Variants in ZNF804B observed in about 807,000 individuals in gnomAD.
ZNF804B encodes the protein zinc finger 804B.
In ZNF804B, 80 loss-of-function variants were observed where a neutral mutation model predicts 101.4. The ratio of observed to expected loss-of-function variants is 0.79; its 90% CI spans 0.66 to 0.95. The LOEUF is 0.95. Ranked by LOEUF, ZNF804B falls within the 40% of genes least tolerant of loss-of-function variation. The pLI is 0.00. For synonymous variants in ZNF804B, 622 were observed against 558.8 expected, an observed-to-expected ratio of 1.11 and a Z score of -1.59; for missense variants, 1,673 against 1,561.9, an observed-to-expected ratio of 1.07 and a Z score of -1.20.
intron 1 of ZNF804B, among the ~76,000 whole-genome samples, chr7:89,039,073 T>C (rs891112652): frequency 3.3e-5 from 5 of 152,066 alleles, no homozygotes; most frequent in African/African-American, 1.2e-4. Context: ...TTACGGTACC[T>C]TTGTAGTGTA....
At chr7:88,880,543 TAA>T (rs1381243230) in intron 1 of ZNF804B, among the ~76,000 whole-genome samples, 1 of 152,200 alleles carries the variant, frequency 6.6e-6, no homozygotes, top group Non-Finnish European at 1.5e-5. Flanking sequence ...TTACATATTT[TAA>T]AGTCTTTATA....
chr7:88,833,382 C>T (rs1055776259), intron 1 of ZNF804B, among the ~76,000 whole-genome samples: 1 of 151,878 alleles, frequency 6.6e-6, no homozygotes, highest in Non-Finnish European at 1.5e-5. Context: ...ATGAAAACTG[C>T]TGTCTTGTAA....
At chr7:88,941,645 TAA>T (rs898618668) in intron 1 of ZNF804B, among the ~76,000 whole-genome samples, 40 of 152,126 alleles carry the variant, frequency 2.6e-4, no homozygotes, top group African/African-American at 9.6e-4. Context: ...AGATGATTTT[TAA>T]GACAGTGGAT....
At chr7:89,092,408 GTTTTTTTT>G (rs71120056) in intron 1 of ZNF804B, among the ~76,000 whole-genome samples, 1 of 93,840 alleles carries the variant, frequency 1.1e-5, no homozygotes, top group African/African-American at 4.1e-5. Flanking sequence ...TTTCTTTTCT[GTTTTTTTT>G]TTTTTTTTTT....
chr7:88,865,715 G>A (rs1359445641), intron 1 of ZNF804B, among the ~76,000 whole-genome samples: 5 of 152,022 alleles, frequency 3.3e-5, no homozygotes, highest in African/African-American at 1.2e-4. Flanking sequence ...CCCCCTTTAG[G>A]GTTTTACATC....
intron 1 of ZNF804B, among the ~76,000 whole-genome samples, chr7:89,031,374 T>G (rs989184068): frequency 1.3e-5 from 2 of 151,946 alleles, no homozygotes; most frequent in Non-Finnish European, 2.9e-5. Context: ...TCACACACTC[T>G]TATAATCATT....
At chr7:88,865,630 T>A (rs537021039) in intron 1 of ZNF804B, among the ~76,000 whole-genome samples, 2 of 152,254 alleles carry the variant, frequency 1.3e-5, no homozygotes, top group South Asian at 4.1e-4. Context: ...TTCCTCTTAG[T>A]TCCCTCTCTC....
At chr7:89,297,729 G>C (rs564971529) in intron 2 of ZNF804B, among the ~76,000 whole-genome samples, 2 of 152,048 alleles carry the variant, frequency 1.3e-5, no homozygotes, top group Admixed American at 1.3e-4. Flanking sequence ...TCTCTATGAA[G>C]ATATGGATGT....
intron 1 of ZNF804B, among the ~76,000 whole-genome samples, chr7:88,989,036 T>C (rs1793805947): frequency 1.3e-5 from 2 of 152,036 alleles, no homozygotes; most frequent in Admixed American, 1.3e-4. Context: ...ATTATTATTA[T>C]TATTTGAGAC....
At chr7:88,912,487 C>T (rs145914452) in intron 1 of ZNF804B, among the ~76,000 whole-genome samples, 514 of 152,084 alleles carry the variant, frequency 3.4e-3, no homozygotes, top group Middle Eastern at 0.01. Context: ...TCATTGCTGA[C>T]GCTAAGTTCA....
intron 1 of ZNF804B, among the ~76,000 whole-genome samples, chr7:88,845,311 A>ACACACACC (rs1791357399): frequency 6.6e-6 from 1 of 152,070 alleles, no homozygotes. Context: ...GCACACACAC[A>ACACACACC]CACACACACA....
chr7:88,871,973 A>G (rs776207522), intron 1 of ZNF804B, among the ~76,000 whole-genome samples: 1 of 151,802 alleles, frequency 6.6e-6, no homozygotes, highest in Non-Finnish European at 1.5e-5. Flanking sequence ...TGTCTCAAAA[A>G]AAAAGTGAAA....
chr7:89,236,944 A>C (rs1008648949), intron 2 of ZNF804B, among the ~76,000 whole-genome samples: 2 of 152,126 alleles, frequency 1.3e-5, no homozygotes, highest in Non-Finnish European at 2.9e-5. Context: ...TACATTGCTA[A>C]TGACATGAAG....
At chr7:89,319,561 C>T (rs925397432) in intron 2 of ZNF804B, among the ~76,000 whole-genome samples, 1 of 152,158 alleles carries the variant, frequency 6.6e-6, no homozygotes, top group African/African-American at 2.4e-5. Flanking sequence ...GTCACAGGTG[C>T]ACAGAGCCTG....
chr7:89,180,925 A>G (rs1196357104), intron 1 of ZNF804B, among the ~76,000 whole-genome samples: 1 of 150,194 alleles, frequency 6.7e-6, no homozygotes, highest in Admixed American at 6.7e-5. Flanking sequence ...ACTGGAACTC[A>G]GGTTCTGACA....
At chr7:89,146,479 T>C (rs11977174) in intron 1 of ZNF804B, among the ~76,000 whole-genome samples, 20,229 of 151,994 alleles carry the variant, frequency 0.13, 1,732 homozygotes, top group African/African-American at 0.25. Flanking sequence ...TTAGAGGTCT[T>C]GTAGACTTAT....
chr7:89,207,579 A>G (rs954076848), intron 1 of ZNF804B, among the ~76,000 whole-genome samples: 1 of 152,186 alleles, frequency 6.6e-6, no homozygotes, highest in Non-Finnish European at 1.5e-5. Flanking sequence ...ATCAGTTAGT[A>G]TATTGTAGTT....
chr7:88,839,419 T>C (rs1041629781), intron 1 of ZNF804B, among the ~76,000 whole-genome samples: 11 of 151,920 alleles, frequency 7.2e-5, no homozygotes, highest in African/African-American at 2.7e-4. Flanking sequence ...CCTAGTTTCC[T>C]TAGGAGGAAT....
intron 1 of ZNF804B, among the ~76,000 whole-genome samples, chr7:89,165,604 A>G (rs139741720): frequency 1.6e-4 from 24 of 152,240 alleles, no homozygotes; most frequent in African/African-American, 5.3e-4. Flanking sequence ...AACCCATGTC[A>G]TGCTAAAATT....
Sources: gnomAD v4.1 joint callset for allele counts (sites outside exome capture counted in the v4.1 genomes callset) on GRCh38, gnomAD v4.1.1 for gene constraint, MANE v1.5 for transcripts, NCBI Gene and HGNC (gene_info 2026-07-23, HGNC 2026-07-21) for gene names.